Variants in ASIC2 observed in about 807,000 individuals in gnomAD.
The protein encoded by ASIC2 is acid-sensing ion channel 2.
In ASIC2, 25 loss-of-function variants were observed where a neutral mutation model predicts 57.3. The ratio of observed to expected loss-of-function variants is 0.44; its 90% CI spans 0.32 to 0.61. The LOEUF (loss-of-function observed/expected upper bound fraction) is 0.61, where lower values mean the gene tolerates loss of function less well. Among genes scored for constraint, ASIC2 ranks in the 20% least tolerant of loss-of-function variants. ASIC2 has a pLI of 0.06. For synonymous variants in ASIC2, 319 were observed against 307.5 expected, an observed-to-expected ratio of 1.04 and a Z score of -0.39; for missense variants, 641 against 738.1, an observed-to-expected ratio of 0.87 and a Z score of 1.52.
intron 1 of ASIC2, among the ~76,000 whole-genome samples, chr17:34,088,882 C>T (rs901599637): frequency 5.9e-5 from 9 of 152,310 alleles, no homozygotes; most frequent in African/African-American, 1.9e-4. Context: ...TTTTTAAGCC[C>T]GTCGGAAAAG....
intron 1 of ASIC2, among the ~76,000 whole-genome samples, chr17:34,087,972 G>A (rs369122851): frequency 0.019 from 2,908 of 152,130 alleles, 94 homozygotes; most frequent in East Asian, 0.059. Context: ...TAACTTCTTT[G>A]CCTTTGGTTT....
intron 1 of ASIC2, among the ~76,000 whole-genome samples, chr17:33,952,329 TATG>T (rs1904604459): frequency 6.6e-6 from 1 of 152,194 alleles, no homozygotes; most frequent in Non-Finnish European, 1.5e-5. Flanking sequence ...GGAGTGAGGA[TATG>T]ATGTCTGGAA....
chr17:33,957,796 A>G (rs1904783871), intron 1 of ASIC2, among the ~76,000 whole-genome samples: 2 of 152,178 alleles, frequency 1.3e-5, no homozygotes, highest in Non-Finnish European at 2.9e-5. Context: ...TGCCTTCCCA[A>G]CAGTCCCCCA....
chr17:33,797,724 T>C (rs1911960956), intron 1 of ASIC2, among the ~76,000 whole-genome samples: 1 of 152,244 alleles, frequency 6.6e-6, no homozygotes, highest in Non-Finnish European at 1.5e-5. Flanking sequence ...TCCCTGGTTC[T>C]ATTTGTCTGC....
chr17:34,142,989 A>G, intron 1 of ASIC2: 1 of 152,202 alleles, frequency 6.6e-6, no homozygotes, highest in East Asian at 1.9e-4. Context: ...AGTGCTATAG[A>G]ATGGCTTGGC....
At chr17:33,632,616 T>C (rs1906210728) in intron 1 of ASIC2, among the ~76,000 whole-genome samples, 1 of 152,098 alleles carries the variant, frequency 6.6e-6, no homozygotes, top group Admixed American at 6.5e-5. Context: ...TACTTATTGG[T>C]AGAGATGGGG....
intron 1 of ASIC2, among the ~76,000 whole-genome samples, chr17:33,981,116 A>AT (rs113591553): frequency 0.013 from 1,978 of 150,082 alleles, 41 homozygotes; most frequent in African/African-American, 0.046. Flanking sequence ...TTTTTCTTTC[A>AT]TTTTTTTTGT....
chr17:33,262,053 C>G (rs552549611), intron 1 of ASIC2, among the ~76,000 whole-genome samples: 1 of 152,224 alleles, frequency 6.6e-6, no homozygotes, highest in South Asian at 2.1e-4. Context: ...ACCGGGTTGT[C>G]AGGCTGGGGA....
chr17:33,127,950 C>A (rs1449267719), intron 1 of ASIC2, among the ~76,000 whole-genome samples: 1 of 152,242 alleles, frequency 6.6e-6, no homozygotes. Flanking sequence ...CCTCTTCTCT[C>A]CTGCACTACA....
intron 1 of ASIC2, among the ~76,000 whole-genome samples, chr17:33,666,021 T>G (rs1907460609): frequency 6.6e-6 from 1 of 152,176 alleles, no homozygotes; most frequent in Non-Finnish European, 1.5e-5. Flanking sequence ...CTCCTGGACT[T>G]CTTTTCCATG....
chr17:33,163,739 A>C lies in ASIC2; in HGVS notation c.709-51672T>G, dbSNP rs1009056793. On this transcript the variant is annotated intron_variant, in intron 1 of 9. Transcript: ENST00000225823. ...CAACCAACAAGGAAACAAGTCCAAT[A>C]TGACATGTAATATATCCGATGATGT... is the stretch of plus-strand genomic sequence containing the variant. 4.6e-5 allele frequency among the ~76,000 whole-genome samples: 7 copies of C among 152,172 alleles called. No individual in the cohort carries two copies. In the South Asian group the frequency reaches 8.3e-4, roughly 18 times the overall value.
chr17:33,158,188 T>C (rs1233906341), intron 1 of ASIC2, among the ~76,000 whole-genome samples: 3 of 152,254 alleles, frequency 2.0e-5, no homozygotes, highest in Non-Finnish European at 1.5e-5. Context: ...GTCTGTCTTC[T>C]GTGATTAGAT....
intron 7 of ASIC2, 53 bp downstream of exon 7, chr17:33,021,166 T>G: frequency 2.0e-6 from 1 of 489,930 alleles, no homozygotes; most frequent in Non-Finnish European, 4.0e-6. Flanking sequence ...GCATCCTCCC[T>G]CCCTCCCACC....
At chr17:34,104,519 T>C (rs903343746) in intron 1 of ASIC2, among the ~76,000 whole-genome samples, 3 of 152,116 alleles carry the variant, frequency 2.0e-5, no homozygotes, top group African/African-American at 7.2e-5. Context: ...AGATTCAGCA[T>C]TCTGGCCTTT....
chr17:33,486,958 G>A (rs140621933), intron 1 of ASIC2, among the ~76,000 whole-genome samples: 18 of 152,336 alleles, frequency 1.2e-4, no homozygotes, highest in African/African-American at 3.8e-4. Flanking sequence ...CCAGTCCTAG[G>A]TGGAGGTGTG....
intron 1 of ASIC2, among the ~76,000 whole-genome samples, chr17:33,445,663 G>A (rs565298393): frequency 5.9e-5 from 9 of 151,992 alleles, no homozygotes; most frequent in South Asian, 4.2e-4. Flanking sequence ...TGGGCGTGGC[G>A]GCTCATGCCT....
chr17:33,797,225 G>A (rs996646432), intron 1 of ASIC2, among the ~76,000 whole-genome samples: 2 of 152,172 alleles, frequency 1.3e-5, no homozygotes, highest in Admixed American at 6.5e-5. Context: ...GGTCTTACAT[G>A]ATGAGCAAGA....
intron 1 of ASIC2, among the ~76,000 whole-genome samples, chr17:33,448,258 A>G (rs1008461533): frequency 5.9e-5 from 9 of 152,112 alleles, no homozygotes; most frequent in Non-Finnish European, 1.3e-4. Flanking sequence ...TTATATTTCA[A>G]TTGCTCATCT....
At chr17:33,145,430 C>T (rs960706066) in intron 1 of ASIC2, among the ~76,000 whole-genome samples, 9 of 152,218 alleles carry the variant, frequency 5.9e-5, no homozygotes, top group African/African-American at 9.6e-5. Context: ...CATCACCTCC[C>T]GACTAGATCG....
Sources: gnomAD v4.1 joint callset for allele counts (sites outside exome capture counted in the v4.1 genomes callset) on GRCh38, gnomAD v4.1.1 for gene constraint, MANE v1.5 for transcripts, NCBI Gene and HGNC (gene_info 2026-07-23, HGNC 2026-07-21) for gene names.